DAB2: variants seen among roughly 807,000 people sequenced by gnomAD.
DAB2 encodes DAB adaptor protein 2.
Under a neutral mutation model 71.6 loss-of-function variants are expected in DAB2, and 28 were observed. The observed-to-expected ratio is 0.39, with a 90% confidence interval of 0.29 to 0.54. DAB2 has a LOEUF of 0.54. Ranked by LOEUF, DAB2 falls within the 20% of genes least tolerant of loss-of-function variation. The pLI is 0.68. For synonymous variants in DAB2, 345 were observed against 339.7 expected, an observed-to-expected ratio of 1.02 and a Z score of -0.17; for missense variants, 867 against 928.8, an observed-to-expected ratio of 0.93 and a Z score of 0.86.
chr5:39,373,789 T>C (rs1301357590), intron 14 of DAB2, among the ~76,000 whole-genome samples: 1 of 152,174 alleles, frequency 6.6e-6, no homozygotes, highest in Non-Finnish European at 1.5e-5. Flanking sequence ...TTCTATTGGT[T>C]TGGGTATATC....
chr5:39,382,604 A>T lies in DAB2; in HGVS notation c.1341+14T>A, dbSNP rs1561367142. The stretch of plus-strand genomic sequence containing the variant: ...ATGCACTCTGCTAATGGATATGTGG[A>T]GAAGACAATTCACCTTAGCAGTCCT... On this transcript the variant is annotated intron_variant, in intron 10 of 14. Coordinates refer to ENST00000320816, the MANE Select transcript of DAB2 (RefSeq NM_001343.4). 5 of 1,607,896 alleles carry T rather than the reference A, an allele frequency of 3.1e-6. No individual in the cohort carries two copies. Among genetic ancestry groups the T allele is most frequent in the Non-Finnish European group, 4.3e-6 (5 of 1,175,084 alleles).
At chr5:39,383,872 C>T (rs1755037063) in intron 9 of DAB2, among the ~76,000 whole-genome samples, 1 of 152,224 alleles carries the variant, frequency 6.6e-6, no homozygotes, top group African/African-American at 2.4e-5. Flanking sequence ...GTTCTTTCCT[C>T]TAGAGGTGGG....
At chr5:39,383,417 A>T (rs1341955847) in intron 9 of DAB2, 146 bp from the exon 10 acceptor site, 1 of 657,304 alleles carries the variant, frequency 1.5e-6, no homozygotes, top group Non-Finnish European at 2.6e-6. Flanking sequence ...TCCTTCCATC[A>T]ACCCCCGTAG....
At chr5:39,384,435 C>T (rs1176079301) in intron 9 of DAB2, among the ~76,000 whole-genome samples, 1 of 152,038 alleles carries the variant, frequency 6.6e-6, no homozygotes, top group Non-Finnish European at 1.5e-5. Flanking sequence ...TATATTGTAC[C>T]GTACTCACTT....
chr5:39,395,009 G>T (rs1755325450), intron 1 of DAB2, among the ~76,000 whole-genome samples: 1 of 152,124 alleles, frequency 6.6e-6, no homozygotes, highest in Non-Finnish European at 1.5e-5. Context: ...TTGTATCAGG[G>T]AAATAATGGA....
chr5:39,387,204 A>T (rs1356082630), intron 9 of DAB2, among the ~76,000 whole-genome samples: 1 of 152,206 alleles, frequency 6.6e-6, no homozygotes, highest in Non-Finnish European at 1.5e-5. Flanking sequence ...GTCTGAAGGG[A>T]GAATTTTATC....
chr5:39,371,821 T>C lies in DAB2; in HGVS notation c.*1610A>G, dbSNP rs918261516. 1 of 152,188 alleles carries C rather than the reference T, an allele frequency of 6.6e-6. No individual in the cohort carries two copies. The highest frequency in any genetic ancestry group is 1.5e-5 in the Non-Finnish European group (1 of 68,034). The allele number at this position is 152,188 out of a possible 1,614,324, so 9.4% of individuals were successfully genotyped here. ...ATTCAACTACCTAGAAATAGTTACC[T>C]CCAGTTTAGCACATTTAGGTATTTG... On this transcript the variant is annotated 3_prime_UTR_variant, in exon 15 of 15. Transcript: ENST00000320816.
intron 4 of DAB2, among the ~76,000 whole-genome samples, chr5:39,391,041 C>T (rs959113036): frequency 1.3e-5 from 2 of 152,122 alleles, no homozygotes; most frequent in Non-Finnish European, 1.5e-5. Context: ...TTATTGGAAC[C>T]GTATTCCCAG....
rs181705729 is a variant in DAB2 at position 39,416,075 on chromosome 5, A to G, written c.-102+8729T>C. Among the ~76,000 whole-genome samples, 637 of 150,760 alleles carry G rather than the reference A, an allele frequency of 4.2e-3. 3 individuals carry two copies. The highest frequency in any genetic ancestry group is 0.014 in the African/African-American group (564 of 41,024). ...CCCCATCATATTTTTTTTTTTACTTAGTTCCAGCATTTTTCCTCAACCTTG... is the reference window on the plus strand; with the variant it reads ...CCCCATCATATTTTTTTTTTTACTTGGTTCCAGCATTTTTCCTCAACCTTG... On this transcript the variant is annotated intron_variant, in intron 1 of 14. Coordinates refer to ENST00000320816, the MANE Select transcript of DAB2 (RefSeq NM_001343.4).
Position 39,388,294 on chromosome 5 carries a change from C to T in DAB2, c.687+11G>A, listed in dbSNP as rs1561369741. 1.3e-6 allele frequency: 2 copies of T among 1,597,218 alleles called. No homozygotes were observed. Among genetic ancestry groups the T allele is most frequent in the Non-Finnish European group, 1.7e-6 (2 of 1,169,420 alleles). ...TTTTATTACATTGCAAATTTAAAAACAAACACTTACTGTTGGACTATTTAG... is the reference window on the plus strand; with the variant it reads ...TTTTATTACATTGCAAATTTAAAAATAAACACTTACTGTTGGACTATTTAG... On this transcript the variant is annotated intron_variant, in intron 9 of 14. Transcript: ENST00000320816.
At chr5:39,414,267 A>G (rs962204509) in intron 1 of DAB2, among the ~76,000 whole-genome samples, 8 of 152,142 alleles carry the variant, frequency 5.3e-5, no homozygotes, top group Admixed American at 3.9e-4. Context: ...ATACAGCTGC[A>G]CAGGGAAATA....
At chr5:39,401,358 G>A (rs970350691) in intron 1 of DAB2, among the ~76,000 whole-genome samples, 2 of 152,152 alleles carry the variant, frequency 1.3e-5, no homozygotes, top group African/African-American at 2.4e-5. Context: ...AAATGATATG[G>A]CAGGACTTAG....
chr5:39,380,976 CTA>C (rs1754968148), intron 11 of DAB2, among the ~76,000 whole-genome samples: 1 of 152,174 alleles, frequency 6.6e-6, no homozygotes, highest in African/African-American at 2.4e-5. Flanking sequence ...GACTTTCACT[CTA>C]TGACTTATTC....
chr5:39,420,690 C>A (rs1015444852), intron 1 of DAB2, among the ~76,000 whole-genome samples: 2 of 152,100 alleles, frequency 1.3e-5, no homozygotes, highest in Non-Finnish European at 2.9e-5. Context: ...GATGCAAGAA[C>A]TAGGAAGGTT....
At chr5:39,375,899 A>C (rs926568293) in intron 13 of DAB2, 98 bp downstream of exon 13, 4 of 902,428 alleles carry the variant, frequency 4.4e-6, no homozygotes, top group African/African-American at 1.7e-5. Flanking sequence ...AAAATAAATA[A>C]ATAAATAAAA....
intron 1 of DAB2, among the ~76,000 whole-genome samples, chr5:39,412,750 C>T (rs989033883): frequency 5.9e-5 from 9 of 152,112 alleles, no homozygotes; most frequent in African/African-American, 2.2e-4. Flanking sequence ...AGTATCATCC[C>T]TATTTGACAG....
intron 1 of DAB2, chr5:39,417,073 T>C (rs534306313): frequency 2.4e-4 from 37 of 152,112 alleles, no homozygotes; most frequent in African/African-American, 8.9e-4. Flanking sequence ...AAACACCGCA[T>C]ATTCTCATTT....
At chr5:39,405,165 C>T (rs1297789044) in intron 1 of DAB2, among the ~76,000 whole-genome samples, 3 of 152,326 alleles carry the variant, frequency 2.0e-5, no homozygotes, top group East Asian at 3.9e-4. Context: ...TCCCTCTTTA[C>T]ACTTATTCAG....
chr5:39,381,647 T>C, intron 10 of DAB2, 31 bp from the exon 11 acceptor site: 2 of 1,612,016 alleles, frequency 1.2e-6, no homozygotes, highest in Non-Finnish European at 1.7e-6. Flanking sequence ...GGAGAAGCCT[T>C]AGTTACTCAC....
Sources: gnomAD v4.1 joint callset for allele counts (sites outside exome capture counted in the v4.1 genomes callset) on GRCh38, gnomAD v4.1.1 for gene constraint, MANE v1.5 for transcripts, NCBI Gene and HGNC (gene_info 2026-07-23, HGNC 2026-07-21) for gene names.